The following ATP8B1 variants were observed in gnomAD, a reference collection of about 807,000 sequenced individuals.
ATP8B1 encodes ATPase phospholipid transporting 8B1.
A neutral mutation model predicts 149.9 loss-of-function variants in ATP8B1; 80 were observed. The observed-to-expected ratio is 0.53, with a 90% CI of 0.45 to 0.64. ATP8B1 has a LOEUF of 0.64. Ranked by LOEUF, ATP8B1 falls within the 30% of genes least tolerant of loss-of-function variation. The pLI is 0.00. For synonymous variants in ATP8B1, 536 were observed against 562.8 expected (o/e 0.95, Z 0.67); for missense variants, 1,247 against 1,552.6 (o/e 0.80, Z 3.31).
In ATP8B1 at chr18:57,646,472, A is replaced by T. The variant is rs575186756; in HGVS notation, c.*2016T>A. 6.6e-6 allele frequency: 1 copy of T among 152,526 alleles called. No individual in the cohort carries two copies. The highest frequency in any genetic ancestry group is 6.5e-5 in the Admixed American group (1 of 15,288). The allele number at this position is 152,526 out of a possible 1,614,324, so 9.4% of individuals were successfully genotyped here. A position where few individuals can be genotyped will look rare whatever the true frequency, so the allele number is the denominator to read the frequency against. ...TACTTTTCAAAGATTTTACTAAATC[A>T]TTTTTTTAAACAAAATATACATTAA... On this transcript the variant is annotated 3_prime_UTR_variant, in exon 28 of 28. Transcript: ENST00000648908.
chr18:57,789,326 T>C (rs549992180), intron 1 of ATP8B1, among the ~76,000 whole-genome samples: 1 of 152,300 alleles, frequency 6.6e-6, no homozygotes, highest in Non-Finnish European at 1.5e-5. Flanking sequence ...AACCCTCGCC[T>C]TGTGAGTCTG....
chr18:57,713,955 C>T (rs72946015), intron 2 of ATP8B1, among the ~76,000 whole-genome samples: 2 of 151,996 alleles, frequency 1.3e-5, no homozygotes, highest in African/African-American at 4.8e-5. Context: ...ACCTTGGCCA[C>T]AGTGGGGTAA....
chr18:57,707,307 C>CAGAAA (rs759825215), intron 2 of ATP8B1, among the ~76,000 whole-genome samples: 2 of 151,938 alleles, frequency 1.3e-5, no homozygotes, highest in Non-Finnish European at 1.5e-5. Flanking sequence ...AAAAAACAAA[C>CAGAAA]AGAAAAGAAA....
chr18:57,715,054 C>G (rs763851787), intron 2 of ATP8B1, among the ~76,000 whole-genome samples: 1 of 152,154 alleles, frequency 6.6e-6, no homozygotes, highest in Non-Finnish European at 1.5e-5. Context: ...CAAGATAGCA[C>G]AGAGAAGACA....
chr18:57,727,962 A>C (rs528264523), intron 2 of ATP8B1, among the ~76,000 whole-genome samples: 2 of 152,258 alleles, frequency 1.3e-5, no homozygotes, highest in African/African-American at 2.4e-5. Flanking sequence ...ACAAAGGGTA[A>C]AGTTACTCCA....
chr18:57,672,575 T>TATAC (rs1013870825), intron 16 of ATP8B1, among the ~76,000 whole-genome samples: 2 of 152,014 alleles, frequency 1.3e-5, no homozygotes, highest in African/African-American at 4.8e-5. Flanking sequence ...ACCAATAATA[T>TATAC]ATACCTTCTG....
At chr18:57,717,568 A>G (rs1599149471) in intron 2 of ATP8B1, among the ~76,000 whole-genome samples, 1 of 128,336 alleles carries the variant, frequency 7.8e-6, no homozygotes, top group Non-Finnish European at 1.6e-5. Context: ...AAAAAAAAAA[A>G]AAAAAAAAAA....
rs1310581278 is a variant in ATP8B1 at position 57,647,237 on chromosome 18, ATG to A, written c.*1249_*1250del. On this transcript the variant is annotated 3_prime_UTR_variant, in exon 28 of 28. Transcript: ENST00000648908. ...CATAAATATTTATATGCTTTAAAAA[ATG>A]AGAGTAGGGAATCAAATCATTTGGT... 1.3e-5 allele frequency: 2 copies of A among 152,232 alleles called. No individual in the cohort carries two copies. Among genetic ancestry groups the A allele is most frequent in the African/African-American group, 4.8e-5 (2 of 41,464 alleles). The allele number at this position is 152,232 out of a possible 1,614,324, so 9.4% of individuals were successfully genotyped here.
At chr18:57,667,574 C>A (rs1910953263) in intron 19 of ATP8B1, 1 of 204,864 alleles carries the variant, frequency 4.9e-6, no homozygotes, top group Non-Finnish European at 1.0e-5. Flanking sequence ...GAAGAAAAAT[C>A]CTTTTCTCCA....
intron 1 of ATP8B1, among the ~76,000 whole-genome samples, chr18:57,737,348 T>C (rs2079868137): frequency 6.6e-6 from 1 of 152,094 alleles, no homozygotes; most frequent in Admixed American, 6.6e-5. Context: ...TCTCTTATTA[T>C]TGTTATTTTT....
intron 20 of ATP8B1, among the ~76,000 whole-genome samples, chr18:57,665,237 G>GA (rs1339668485): frequency 1.3e-5 from 2 of 151,030 alleles, no homozygotes; most frequent in East Asian, 1.9e-4. Context: ...GGCCGTAAGA[G>GA]AAAAAAAATG....
chr18:57,684,012 C>G (rs1912107718), intron 15 of ATP8B1, 24 bp downstream of exon 15: 1 of 1,613,960 alleles, frequency 6.2e-7, no homozygotes. Flanking sequence ...TCTCTAATGC[C>G]TGAGATGCCA....
intron 1 of ATP8B1, among the ~76,000 whole-genome samples, chr18:57,732,997 G>T (rs1568044984): frequency 6.6e-6 from 1 of 152,068 alleles, no homozygotes; most frequent in South Asian, 2.1e-4. Context: ...CAAGTTTACT[G>T]ACTTCCCAGG....
intron 2 of ATP8B1, among the ~76,000 whole-genome samples, chr18:57,713,211 C>CT (rs1304585712): frequency 4.8e-5 from 6 of 125,758 alleles, no homozygotes; most frequent in African/African-American, 1.6e-4. Context: ...TTCCTTCCTT[C>CT]CTTCCTTCCT....
At chr18:57,767,843 A>G (rs1011968641) in intron 1 of ATP8B1, among the ~76,000 whole-genome samples, 1 of 151,736 alleles carries the variant, frequency 6.6e-6, no homozygotes, top group African/African-American at 2.4e-5. Flanking sequence ...CTAAGCCAGC[A>G]CTGGTCCAGG....
At chr18:57,731,291 G>A in intron 2 of ATP8B1, 1 of 129,030 alleles carries the variant, frequency 7.8e-6, no homozygotes, top group East Asian at 2.2e-4. Context: ...GGGAGACACA[G>A]TGAGACCCTG....
intron 2 of ATP8B1, among the ~76,000 whole-genome samples, chr18:57,726,900 C>T (rs2079714172): frequency 6.6e-6 from 1 of 152,056 alleles, no homozygotes; most frequent in Non-Finnish European, 1.5e-5. Context: ...GCCAACATGG[C>T]AAAATTCCGT....
In ATP8B1 at chr18:57,690,745, A is replaced by T. The variant is rs547232892; in HGVS notation, c.1220+1062T>A. ...TAAATGCCTCTAATTATAGGTGTGTATGTGATTCCTATGTCTCTGGGCTAT... is the reference window on the plus strand; with the variant it reads ...TAAATGCCTCTAATTATAGGTGTGTTTGTGATTCCTATGTCTCTGGGCTAT... On this transcript the variant is annotated intron_variant, in intron 12 of 27. Coordinates refer to ENST00000648908, the MANE Select transcript of ATP8B1 (RefSeq NM_001374385.1). Among the ~76,000 whole-genome samples the T allele has an allele frequency of 2.1e-3, 318 of 152,342 alleles. 1 individual carries two copies. Among genetic ancestry groups the T allele is most frequent in the African/African-American group, 6.8e-3 (281 of 41,582 alleles).
At chr18:57,781,367 G>C (rs957314877) in intron 1 of ATP8B1, among the ~76,000 whole-genome samples, 3 of 152,076 alleles carry the variant, frequency 2.0e-5, no homozygotes, top group Admixed American at 6.6e-5. Flanking sequence ...TTGAGTTTTG[G>C]CAACACTGCA....
Sources: allele counts gnomAD v4.1 joint callset (sites outside exome capture counted in the v4.1 genomes callset), GRCh38; gene constraint gnomAD v4.1.1; transcripts MANE v1.5; gene names NCBI Gene and HGNC (gene_info 2026-07-23, HGNC 2026-07-21).